The following POM121 variants were observed in gnomAD, a reference collection of about 807,000 sequenced individuals.
The protein encoded by POM121 is nuclear envelope pore membrane protein POM 121.
A neutral mutation model predicts 81.3 loss-of-function variants in POM121; 32 were observed. That is an observed-to-expected ratio of 0.39 (90% CI 0.30 to 0.53). The LOEUF is 0.53. Among genes scored for constraint, POM121 ranks in the 20% least tolerant of loss-of-function variants. The probability of loss-of-function intolerance (pLI) is 0.66; values close to 1 mark genes in which losing one functional copy is unlikely to be tolerated. For missense variants in POM121, 1,138 were observed against 1,614.6 expected, an observed-to-expected ratio of 0.70 and a Z score of 5.06; for synonymous variants, 514 against 694.2, an observed-to-expected ratio of 0.74 and a Z score of 4.08.
intron 3 of POM121, among the ~76,000 whole-genome samples, chr7:72,903,850 C>T (rs527629085): frequency 2.0e-5 from 3 of 152,326 alleles, no homozygotes; most frequent in East Asian, 1.9e-4. Flanking sequence ...GGCACGATCT[C>T]GGCTCACTGC....
chr7:72,904,887 A>C (rs1793082970), intron 3 of POM121, among the ~76,000 whole-genome samples: 2 of 152,154 alleles, frequency 1.3e-5, no homozygotes, highest in African/African-American at 4.8e-5. Flanking sequence ...GAGAGAGTGC[A>C]GGGGAAACTG....
chr7:72,932,422 C>A (rs1479364311), intron 5 of POM121, among the ~76,000 whole-genome samples: 1 of 151,196 alleles, frequency 6.6e-6, no homozygotes, highest in Admixed American at 6.6e-5. Flanking sequence ...AGAAACTCAT[C>A]TTTGGTCTTA....
At chr7:72,935,962 C>A (rs1204926735) in intron 5 of POM121, among the ~76,000 whole-genome samples, 5 of 151,412 alleles carry the variant, frequency 3.3e-5, no homozygotes, top group Non-Finnish European at 7.4e-5. Flanking sequence ...ATGAGTTTTT[C>A]CTTTCCTCTG....
At chr7:72,925,975 C>A (rs1795402887) in intron 1 of POM121, among the ~76,000 whole-genome samples, 1 of 152,110 alleles carries the variant, frequency 6.6e-6, no homozygotes, top group African/African-American at 2.4e-5. Context: ...TCTCTTCTTT[C>A]CAGTTCTAAA....
intron 4 of POM121, chr7:72,913,855 C>G (rs1554494690): frequency 1.3e-5 from 2 of 152,286 alleles, no homozygotes; most frequent in Non-Finnish European, 2.9e-5. Flanking sequence ...TCCTGCGCTT[C>G]CATGACAGCC....
intron 5 of POM121, among the ~76,000 whole-genome samples, chr7:72,934,310 C>T (rs1170267411): frequency 1.3e-5 from 2 of 152,070 alleles, no homozygotes; most frequent in African/African-American, 2.4e-5. Context: ...GTCTCGAACT[C>T]GTGACCTCAG....
chr7:72,929,807 G>T (rs111253737), intron 4 of POM121, 133 bp from the exon 5 acceptor site: 1 of 1,333,932 alleles, frequency 7.5e-7, no homozygotes, highest in Non-Finnish European at 9.8e-7. Context: ...GATTTGGCCA[G>T]ATTGTTAGCA....
chr7:72,888,141 G>A (rs1467527545), intron 1 of POM121, among the ~76,000 whole-genome samples: 1 of 152,166 alleles, frequency 6.6e-6, no homozygotes, highest in East Asian at 1.9e-4. Context: ...TGGGATTACA[G>A]GCATGAGCCA....
At chr7:72,879,357 A>T (rs780807579), upstream of POM121, 3 of 178,692 alleles carry the variant, frequency 1.7e-5, no homozygotes, top group Admixed American at 1.3e-4. Context: ...CCACCTCCGC[A>T]CTGCCCTCGC....
intron 11 of POM121, among the ~76,000 whole-genome samples, chr7:72,943,764 G>T (rs557256065): frequency 6.6e-6 from 1 of 152,216 alleles, no homozygotes; most frequent in South Asian, 2.1e-4. Flanking sequence ...AAGGTTGGGC[G>T]CAGTGGCTCA....
In POM121 at chr7:72,925,188, G is replaced by T; in HGVS notation, c.67G>T (p.Gly23Cys). The T allele has an allele frequency of 1.3e-6, 2 of 1,500,414 alleles. No homozygotes were observed. Among genetic ancestry groups the T allele is most frequent in the East Asian group, 2.6e-5 (1 of 38,788 alleles). 92.9% of individuals were successfully genotyped at this position (1,500,414 alleles called of 1,614,324 possible). The change falls in exon 1 of 13, where the codon GGC becomes TGC. Residue 23 changes from glycine (G) to cysteine (C), a missense_variant. By Grantham distance (159) the Gly-to-Cys change is radical (BLOSUM62 -3). This residue lies in a region of POM121 where 646 missense variants were observed against 633.5 expected (regional missense o/e 1.02). Transcript: ENST00000434423. ...RRRPIASVRDGRGRGCGGPAR... is the reference protein window; with the variant it reads ...RRRPIASVRDCRGRGCGGPAR... The stretch of plus-strand genomic sequence containing the variant: ...GCGGCCCATAGCGAGTGTCAGGGAC[G>T]GCCGGGGCCGGGGCTGCGGCGGGCC...
At chr7:72,939,104 A>G (rs1271052348) in intron 6 of POM121, among the ~76,000 whole-genome samples, 2 of 152,156 alleles carry the variant, frequency 1.3e-5, no homozygotes, top group African/African-American at 4.8e-5. Context: ...AGGTTTGAAG[A>G]TTATTGTTTT....
Position 72,938,664 on chromosome 7 carries a change from G to A in POM121, c.1350G>A (p.Arg450=). 16 of 1,613,766 alleles carry A rather than the reference G, an allele frequency of 9.9e-6. No individual in the cohort carries two copies. Among genetic ancestry groups the A allele is most frequent in the Non-Finnish European group, 1.3e-5 (15 of 1,179,710 alleles). The part of the protein sequence containing the change: ...PASSRSQTPE[R]PAKKIREEEL... ...CCTCCCGCTCCCAGACACCGGAGAGGCCAGCAAAGAAAATAAGGTACTTGG... is the reference window on the plus strand; with the variant it reads ...CCTCCCGCTCCCAGACACCGGAGAGACCAGCAAAGAAAATAAGGTACTTGG... Residue 450 remains arginine, a synonymous_variant, in exon 6 of 13, where the codon AGG becomes AGA. Coordinates refer to ENST00000434423, the MANE Select transcript of POM121 (RefSeq NM_001387691.1).
chr7:72,885,735 C>A (rs1421611688), intron 1 of POM121, among the ~76,000 whole-genome samples: 2 of 148,384 alleles, frequency 1.3e-5, no homozygotes, highest in Non-Finnish European at 3.0e-5. Flanking sequence ...ATTTCTGTCT[C>A]ATAATTGGGG....
chr7:72,879,688 C>T (rs1162947179), exon 1 of POM121: 5 of 432,010 alleles, frequency 1.2e-5, no homozygotes, highest in Non-Finnish European at 2.3e-5. Flanking sequence ...ACGGTGAGCC[C>T]CAGGGAGGCG....
downstream of POM121, chr7:72,948,630 C>T: frequency 6.2e-7 from 1 of 1,601,710 alleles, no homozygotes; most frequent in Non-Finnish European, 8.6e-7. Flanking sequence ...TGTGCCAGTA[C>T]CATCCTGCGC....
At chr7:72,910,361 A>T (rs1475619557) in intron 3 of POM121, among the ~76,000 whole-genome samples, 1 of 152,180 alleles carries the variant, frequency 6.6e-6, no homozygotes, top group Non-Finnish European at 1.5e-5. Context: ...CTTTAATCCG[A>T]ATGTAACAGA....
intron 5 of POM121, among the ~76,000 whole-genome samples, chr7:72,937,593 T>C (rs1317749095): frequency 2.0e-5 from 3 of 152,204 alleles, no homozygotes; most frequent in South Asian, 2.1e-4. Context: ...TGAACTCTTA[T>C]TAAGCATTGC....
chr7:72,938,836 G>A (rs558067534), intron 6 of POM121, among the ~76,000 whole-genome samples, 155 bp downstream of exon 6: 1 of 152,330 alleles, frequency 6.6e-6, no homozygotes, highest in African/African-American at 2.4e-5. Context: ...GTACCCACCC[G>A]AAGTGCTGTC....
Sources: allele counts gnomAD v4.1 joint callset (sites outside exome capture counted in the v4.1 genomes callset), GRCh38; gene constraint gnomAD v4.1.1; regional missense constraint gnomAD v4.1.1; transcripts MANE v1.5; gene names NCBI Gene and HGNC (gene_info 2026-07-23, HGNC 2026-07-21).